Variants in TNNI3K observed in about 807,000 individuals in gnomAD.
TNNI3K encodes the protein TNNI3 interacting kinase.
In TNNI3K, 140 loss-of-function variants were observed where a neutral mutation model predicts 114.5. The observed-to-expected ratio is 1.22, with a 90% CI of 1.07 to 1.41. The LOEUF (loss-of-function observed/expected upper bound fraction) is 1.41. TNNI3K is among the 40% of genes most tolerant of loss of function. The pLI, the probability that TNNI3K is intolerant of heterozygous loss-of-function variation, is 0.00. For synonymous variants in TNNI3K, 347 were observed against 347.5 expected (o/e 1.00, Z 0.02); for missense variants, 1,125 against 1,007.6 (o/e 1.12, Z -1.58).
chr1:74,379,553 A>G (rs2100545386), intron 17 of TNNI3K, among the ~76,000 whole-genome samples: 1 of 152,148 alleles, frequency 6.6e-6, no homozygotes, highest in Admixed American at 6.5e-5. Flanking sequence ...CAGTTTCCAT[A>G]TTATGAAGTC....
At chr1:74,246,378 G>GA (rs1380416205) in intron 2 of TNNI3K, among the ~76,000 whole-genome samples, 2 of 152,238 alleles carry the variant, frequency 1.3e-5, no homozygotes, top group East Asian at 3.8e-4. Flanking sequence ...CAGCGGAGCT[G>GA]AACTCTGCCT....
chr1:74,357,259 A>G (rs574259764), intron 11 of TNNI3K, among the ~76,000 whole-genome samples: 2 of 152,254 alleles, frequency 1.3e-5, no homozygotes, highest in South Asian at 2.1e-4. Flanking sequence ...CATGTACCCT[A>G]TCCTATCCCG....
chr1:74,444,634 T>C (rs75115685), intron 20 of TNNI3K, among the ~76,000 whole-genome samples: 2,494 of 152,218 alleles, frequency 0.016, 67 homozygotes, highest in African/African-American at 0.056. Context: ...TCCAATGCTA[T>C]TACCATTAAG....
chr1:74,275,314 G>A (rs1239399393), intron 5 of TNNI3K, among the ~76,000 whole-genome samples: 2 of 152,038 alleles, frequency 1.3e-5, no homozygotes, highest in East Asian at 3.9e-4. Context: ...AAGAATAAAT[G>A]AGACGAAAAA....
intron 17 of TNNI3K, among the ~76,000 whole-genome samples, chr1:74,378,238 A>G (rs1213248278): frequency 1.3e-5 from 2 of 152,060 alleles, no homozygotes; most frequent in Admixed American, 6.6e-5. Flanking sequence ...CTGCAATCAG[A>G]TTCAATTTTA....
chr1:74,253,496 C>G (rs1486441166), intron 4 of TNNI3K, among the ~76,000 whole-genome samples: 1 of 152,156 alleles, frequency 6.6e-6, no homozygotes, highest in Non-Finnish European at 1.5e-5. Context: ...CACGGGGAGG[C>G]AGCTATGGCC....
intron 6 of TNNI3K, among the ~76,000 whole-genome samples, chr1:74,333,457 G>A (rs981806167): frequency 1.3e-5 from 2 of 152,286 alleles, no homozygotes; most frequent in Non-Finnish European, 2.9e-5. Context: ...CCTCTTTGAC[G>A]ATTAACCTCA....
intron 7 of TNNI3K, among the ~76,000 whole-genome samples, chr1:74,337,305 G>A (rs1453987819): frequency 6.6e-6 from 1 of 151,414 alleles, no homozygotes; most frequent in Non-Finnish European, 1.5e-5. Flanking sequence ...TAGGTTGCCT[G>A]TTCACTCTGA....
chr1:74,386,560 T>A (rs1156561319), intron 17 of TNNI3K, among the ~76,000 whole-genome samples: 1 of 152,142 alleles, frequency 6.6e-6, no homozygotes, highest in African/African-American at 2.4e-5. Context: ...AAGGAAGCCA[T>A]ATAAATAATA....
chr1:74,243,040 C>A (rs941477828), intron 2 of TNNI3K, among the ~76,000 whole-genome samples: 23 of 152,062 alleles, frequency 1.5e-4, no homozygotes, highest in Admixed American at 1.1e-3. Context: ...AAAATAATAT[C>A]AATGCCTTAA....
chr1:74,436,416 C>A (rs956024346), intron 18 of TNNI3K, 58 bp from the exon 19 acceptor site: 2 of 1,520,896 alleles, frequency 1.3e-6, no homozygotes, highest in Admixed American at 2.4e-5. Flanking sequence ...TAACTGTGAT[C>A]TTTTACCTTG....
intron 17 of TNNI3K, among the ~76,000 whole-genome samples, chr1:74,423,065 A>T (rs1471117091): frequency 6.6e-6 from 1 of 151,982 alleles, no homozygotes; most frequent in Non-Finnish European, 1.5e-5. Flanking sequence ...CTATTAACAC[A>T]TTCTCATTAG....
At chr1:74,460,923 C>T (rs187819995) in intron 20 of TNNI3K, among the ~76,000 whole-genome samples, 44 of 152,270 alleles carry the variant, frequency 2.9e-4, no homozygotes, top group Admixed American at 1.0e-3. Flanking sequence ...ATTTTTGATA[C>T]CAGAATCTAA....
rs1453926147 is a variant in TNNI3K, at chr1:74,447,257, A to G, written c.2011+7635A>G. On this transcript the variant is annotated intron_variant, in intron 20 of 24. Transcript: ENST00000326637. Reference sequence around the variant, plus strand: ...AGTTCTCCTTGAAGAGGTCCTTCACATCCCTTGTAAGTTGGATTCCTAGGT... The same window carrying G: ...AGTTCTCCTTGAAGAGGTCCTTCACGTCCCTTGTAAGTTGGATTCCTAGGT... Among the ~76,000 whole-genome samples the G allele has an allele frequency of 2.6e-3, 393 of 149,276 alleles. 2 individuals carry two copies. Among genetic ancestry groups the G allele is most frequent in the Non-Finnish European group, 2.9e-3 (195 of 67,528 alleles).
chr1:74,346,844 C>A (rs952807673), intron 9 of TNNI3K, among the ~76,000 whole-genome samples: 1 of 151,754 alleles, frequency 6.6e-6, no homozygotes. Flanking sequence ...TTGCAGATGG[C>A]TGCCTTCTTG....
chr1:74,331,632 A>G, intron 6 of TNNI3K, 84 bp downstream of exon 6: 1 of 1,161,094 alleles, frequency 8.6e-7, no homozygotes, highest in Non-Finnish European at 1.2e-6. Context: ...CAAAGAGTTT[A>G]TATTTAAAAT....
At chr1:74,475,831 A>G (rs920560769) in intron 21 of TNNI3K, 2 of 553,922 alleles carry the variant, frequency 3.6e-6, no homozygotes, top group Non-Finnish European at 6.6e-6. Flanking sequence ...TAGAGAGACC[A>G]TTAAAAGATA....
At chr1:74,394,313 G>T (rs760202815) in intron 17 of TNNI3K, among the ~76,000 whole-genome samples, 26 of 152,292 alleles carry the variant, frequency 1.7e-4, no homozygotes, top group Non-Finnish European at 2.5e-4. Context: ...AAGGAATGCT[G>T]TTGAATTTTT....
intron 11 of TNNI3K, among the ~76,000 whole-genome samples, chr1:74,359,943 A>G (rs1456285623): frequency 1.3e-5 from 2 of 151,998 alleles, no homozygotes; most frequent in Non-Finnish European, 1.5e-5. Flanking sequence ...ATTTAATGGT[A>G]TTACCATCCA....
Sources: allele counts gnomAD v4.1 joint callset (sites outside exome capture counted in the v4.1 genomes callset), GRCh38; gene constraint gnomAD v4.1.1; transcripts MANE v1.5; gene names NCBI Gene and HGNC (gene_info 2026-07-23, HGNC 2026-07-21).